Variants in TMEM232 observed in about 807,000 individuals in gnomAD.
TMEM232 encodes transmembrane protein 232.
TMEM232 carries 80 observed loss-of-function variants against 78.8 expected under a neutral mutation model. The observed-to-expected ratio is 1.01, with a 90% CI of 0.85 to 1.22. TMEM232 has a LOEUF of 1.22. Ranked by LOEUF, TMEM232 falls within the 50% of genes most tolerant of loss-of-function variation. The pLI, the probability that TMEM232 is intolerant of heterozygous loss-of-function variation, is 0.00. For synonymous variants in TMEM232, 297 were observed against 254.3 expected, an observed-to-expected ratio of 1.17 and a Z score of -1.60; for missense variants, 881 against 742.2, an observed-to-expected ratio of 1.19 and a Z score of -2.17.
At chr5:110,632,350 G>A (rs897728391) in intron 5 of TMEM232, among the ~76,000 whole-genome samples, 1 of 151,116 alleles carries the variant, frequency 6.6e-6, no homozygotes, top group Admixed American at 6.6e-5. Flanking sequence ...AAAAAAAACA[G>A]GGAAAGATGA....
intron 1 of TMEM232, among the ~76,000 whole-genome samples, chr5:110,712,394 T>C (rs1242760516): frequency 1.3e-5 from 2 of 151,782 alleles, no homozygotes; most frequent in African/African-American, 2.4e-5. Flanking sequence ...AACAACTCTA[T>C]AGGAAAAAAA....
chr5:110,727,941 T>C (rs1208759348), upstream of TMEM232, among the ~76,000 whole-genome samples: 3 of 152,160 alleles, frequency 2.0e-5, no homozygotes, highest in Non-Finnish European at 4.4e-5. Flanking sequence ...ATGAAAAGAC[T>C]GTGGTATTTA....
At chr5:110,707,752 T>A (rs1053134293) in intron 1 of TMEM232, among the ~76,000 whole-genome samples, 2 of 152,174 alleles carry the variant, frequency 1.3e-5, no homozygotes, top group African/African-American at 2.4e-5. Flanking sequence ...TGAAAGAGAC[T>A]CCTTCCTTCT....
chr5:110,590,299 A>G (rs1246768690), intron 10 of TMEM232, among the ~76,000 whole-genome samples: 1 of 152,064 alleles, frequency 6.6e-6, no homozygotes, highest in Middle Eastern at 3.2e-3. Context: ...CTACTCCTGT[A>G]TCAGATAAAC....
chr5:110,639,027 CATGTAAAT>C (rs1479937929), intron 4 of TMEM232, among the ~76,000 whole-genome samples: 3 of 152,104 alleles, frequency 2.0e-5, no homozygotes, highest in Non-Finnish European at 4.4e-5. Context: ...GAGGAGCTTC[CATGTAAAT>C]ATATGAGGAC....
intron 12 of TMEM232, among the ~76,000 whole-genome samples, chr5:110,512,324 AG>A (rs1489765596): frequency 1.3e-5 from 2 of 152,208 alleles, no homozygotes; most frequent in Non-Finnish European, 2.9e-5. Flanking sequence ...GTGGGTGCAA[AG>A]TTCCAAATAA....
chr5:110,439,897 C>G (rs891138726), intron 12 of TMEM232, among the ~76,000 whole-genome samples: 2 of 152,064 alleles, frequency 1.3e-5, no homozygotes, highest in African/African-American at 4.8e-5. Context: ...CTAAAATTCT[C>G]TATATTAACC....
chr5:110,492,708 C>T (rs148432352), intron 12 of TMEM232, among the ~76,000 whole-genome samples: 1 of 152,030 alleles, frequency 6.6e-6, no homozygotes, highest in East Asian at 1.9e-4. Context: ...GGAAGAATAA[C>T]ACATTCTCAT....
intron 8 of TMEM232, among the ~76,000 whole-genome samples, chr5:110,611,194 A>G (rs990085485): frequency 6.6e-6 from 1 of 152,152 alleles, no homozygotes; most frequent in Admixed American, 6.6e-5. Context: ...GAAGGGGAGA[A>G]TTAGTGTAAA....
chr5:110,558,023 T>A (rs1775306816), intron 11 of TMEM232, among the ~76,000 whole-genome samples: 1 of 152,192 alleles, frequency 6.6e-6, no homozygotes, highest in Admixed American at 6.6e-5. Flanking sequence ...TTTGGTCTCA[T>A]TAACTGGTTT....
chr5:110,568,637 GA>G lies in TMEM232; in HGVS notation c.1277-13del. 1 of 1,520,828 alleles carries G rather than the reference GA, an allele frequency of 6.6e-7. No individual in the cohort carries two copies. The highest frequency in any genetic ancestry group is 8.8e-7 in the Non-Finnish European group (1 of 1,138,548). 94.2% of individuals were successfully genotyped at this position (1,520,828 alleles called of 1,614,324 possible). A position where few individuals can be genotyped will look rare whatever the true frequency, so the allele number is the denominator to read the frequency against. On this transcript the variant is annotated splice_polypyrimidine_tract_variant and intron_variant, in intron 10 of 13. Transcript: ENST00000455884. ...GACTACTTGATCACCTGTTTAAAAA[GA>G]AAAAGTCTTTGGGAATTATCATTTT...
In TMEM232 at chr5:110,611,588, T is replaced by C. The variant is rs146262150; in HGVS notation, c.903-5301A>G. Among the ~76,000 whole-genome samples, 1,477 of 152,260 alleles carry C rather than the reference T, an allele frequency of 9.7e-3. 32 individuals carry two copies. Among genetic ancestry groups the C allele is most frequent in the African/African-American group, 0.033 (1,379 of 41,558 alleles). On this transcript the variant is annotated intron_variant, in intron 8 of 13. Coordinates refer to ENST00000455884, the MANE Select transcript of TMEM232 (RefSeq NM_001039763.4). ...GGTAATTAATCCTACCAGCAGAATC[T>C]TTCAGTCATCATTTTTGTTTTTATT...
chr5:110,736,450 C>T (rs1404530465), intron 1 of TMEM232, among the ~76,000 whole-genome samples: 2 of 152,112 alleles, frequency 1.3e-5, no homozygotes, highest in African/African-American at 2.4e-5. Flanking sequence ...AGACATAATA[C>T]TATCATTTTA....
intron 11 of TMEM232, among the ~76,000 whole-genome samples, chr5:110,566,855 G>A (rs7721696): frequency 0.045 from 6,823 of 151,680 alleles, 548 homozygotes; most frequent in African/African-American, 0.16. Context: ...GTCCATTTTC[G>A]TATTGCTACA....
chr5:110,420,584 A>G lies in TMEM232; in HGVS notation c.1970T>C (p.Ile657Thr). Residue 657 changes from isoleucine (I) to threonine (T), a missense_variant, in exon 14 of 14, where the codon ATT (isoleucine) becomes ACT (threonine). By Grantham distance (89) the Ile-to-Thr change is moderately conservative. Transcript: ENST00000455884. ...PYELPYRKEVI is the reference protein window; with the variant it reads ...PYELPYRKEVT ...AGGTGACATTTTCTTTTCTAATTAA[A>G]TTACTTCCTTCCTATAAGGAAGTTC... 6.9e-7 allele frequency: 1 copy of G among 1,457,060 alleles called. No homozygotes were observed. The highest frequency in any genetic ancestry group is 1.4e-5 in the South Asian group (1 of 70,402). 90.3% of individuals were successfully genotyped at this position (1,457,060 alleles called of 1,614,324 possible). A position where few individuals can be genotyped will look rare whatever the true frequency, so the allele number is the denominator to read the frequency against.
intron 12 of TMEM232, among the ~76,000 whole-genome samples, chr5:110,468,347 G>A (rs1201795229): frequency 1.3e-5 from 2 of 151,940 alleles, no homozygotes; most frequent in African/African-American, 4.8e-5. Context: ...AGCAGACCTT[G>A]ATTAAACGCT....
At chr5:110,628,662 AGTGTGTGTGTGTGTGT>A (rs146531604) in intron 5 of TMEM232, among the ~76,000 whole-genome samples, 3 of 140,726 alleles carry the variant, frequency 2.1e-5, no homozygotes, top group South Asian at 4.4e-4. Context: ...GTCAGTATCC[AGTGTGTGTGTGTGTGT>A]GTGTGTGTGT....
At chr5:110,713,445 T>C (rs979517652) in intron 1 of TMEM232, among the ~76,000 whole-genome samples, 5 of 152,216 alleles carry the variant, frequency 3.3e-5, no homozygotes, top group South Asian at 2.1e-4. Flanking sequence ...GCTGAGGAGA[T>C]AGATTCCCCA....
At chr5:110,724,426 T>A (rs1010072202) in intron 1 of TMEM232, among the ~76,000 whole-genome samples, 1 of 152,230 alleles carries the variant, frequency 6.6e-6, no homozygotes, top group Admixed American at 6.5e-5. Flanking sequence ...TGTGTATAAC[T>A]TAACCTGTTA....
Sources: allele counts gnomAD v4.1 joint callset (sites outside exome capture counted in the v4.1 genomes callset), GRCh38; gene constraint gnomAD v4.1.1; transcripts MANE v1.5; gene names NCBI Gene and HGNC (gene_info 2026-07-23, HGNC 2026-07-21).